The following PTPRT variants were observed in gnomAD, a reference collection of about 807,000 sequenced individuals.
PTPRT encodes the protein protein tyrosine phosphatase receptor type T.
PTPRT carries 56 observed loss-of-function variants against 176.8 expected under a neutral mutation model. The observed-to-expected ratio is 0.32, with a 90% CI of 0.26 to 0.40. The LOEUF (loss-of-function observed/expected upper bound fraction) is 0.40. Ranked by LOEUF, PTPRT falls within the 10% of genes least tolerant of loss-of-function variation. The pLI is 1.00. For missense variants in PTPRT, 1,540 were observed against 1,908.2 expected (o/e 0.81, Z 3.60); for synonymous variants, 783 against 739.0 (o/e 1.06, Z -0.96).
At chr20:43,100,802 C>G (rs923618833) in intron 1 of PTPRT, among the ~76,000 whole-genome samples, 7 of 150,964 alleles carry the variant, frequency 4.6e-5, no homozygotes, top group Non-Finnish European at 1.0e-4. Flanking sequence ...AGGGAAGGTG[C>G]CCAGGTGGGA....
At chr20:42,790,881 C>T (rs1347852297) in intron 3 of PTPRT, among the ~76,000 whole-genome samples, 1 of 152,152 alleles carries the variant, frequency 6.6e-6, no homozygotes, top group Non-Finnish European at 1.5e-5. Context: ...GTACTAGTAC[C>T]TCCCTCATCA....
chr20:42,503,150 T>A (rs2071782985), intron 7 of PTPRT, among the ~76,000 whole-genome samples: 1 of 152,060 alleles, frequency 6.6e-6, no homozygotes, highest in South Asian at 2.1e-4. Flanking sequence ...GCTTTGTTGA[T>A]ACACTCTGTT....
At chr20:42,500,425 A>G (rs929877614) in intron 7 of PTPRT, among the ~76,000 whole-genome samples, 1 of 152,234 alleles carries the variant, frequency 6.6e-6, no homozygotes, top group African/African-American at 2.4e-5. Context: ...TCTAATATCC[A>G]GAGACTTTGA....
chr20:42,894,811 G>C (rs965566002), intron 1 of PTPRT, among the ~76,000 whole-genome samples: 2 of 152,180 alleles, frequency 1.3e-5, no homozygotes, highest in African/African-American at 2.4e-5. Context: ...CCAGGCATAG[G>C]GGGTAGGCTC....
At chr20:42,929,797 C>T (rs891215808) in intron 1 of PTPRT, among the ~76,000 whole-genome samples, 4 of 152,168 alleles carry the variant, frequency 2.6e-5, no homozygotes, top group Non-Finnish European at 4.4e-5. Context: ...CTCCTGCAAG[C>T]GTGGATCAGA....
intron 8 of PTPRT, among the ~76,000 whole-genome samples, chr20:42,468,995 T>C (rs1383003356): frequency 2.6e-5 from 4 of 152,228 alleles, no homozygotes; most frequent in African/African-American, 9.6e-5. Context: ...TGTCTGGACA[T>C]GTCTACAGCT....
intron 1 of PTPRT, among the ~76,000 whole-genome samples, chr20:43,164,622 A>G (rs1473616045): frequency 6.6e-6 from 1 of 152,146 alleles, no homozygotes; most frequent in Non-Finnish European, 1.5e-5. Flanking sequence ...GTGCCCACAA[A>G]CCTTTTCTGT....
intron 14 of PTPRT, among the ~76,000 whole-genome samples, chr20:42,245,873 T>C (rs185202399): frequency 2.0e-5 from 3 of 152,284 alleles, no homozygotes; most frequent in Admixed American, 1.3e-4. Flanking sequence ...AGTAACCATG[T>C]CCATGACCAG....
intron 3 of PTPRT, among the ~76,000 whole-genome samples, chr20:42,790,409 T>A (rs1000524441): frequency 2.0e-5 from 3 of 152,030 alleles, no homozygotes; most frequent in African/African-American, 7.2e-5. Flanking sequence ...GCCATGATTT[T>A]TTTTTTTTAC....
chr20:42,573,989 C>T (rs1180683315), intron 7 of PTPRT, among the ~76,000 whole-genome samples: 5 of 152,026 alleles, frequency 3.3e-5, no homozygotes, highest in African/African-American at 9.7e-5. Flanking sequence ...ACCTCGTGAT[C>T]CACCACCTCG....
chr20:42,768,997 A>G (rs1225101487), intron 5 of PTPRT, among the ~76,000 whole-genome samples: 1 of 152,238 alleles, frequency 6.6e-6, no homozygotes, highest in African/African-American at 2.4e-5. Context: ...CCTCATTCTC[A>G]TGACCCAGCT....
At chr20:42,887,077 A>G (rs766668855) in intron 1 of PTPRT, among the ~76,000 whole-genome samples, 3 of 152,206 alleles carry the variant, frequency 2.0e-5, no homozygotes, top group Non-Finnish European at 4.4e-5. Context: ...GGTGCATCAC[A>G]TCACCATCCT....
At chr20:42,099,178 T>C (rs1004391246) in intron 26 of PTPRT, among the ~76,000 whole-genome samples, 1 of 152,204 alleles carries the variant, frequency 6.6e-6, no homozygotes, top group African/African-American at 2.4e-5. Flanking sequence ...GCCCATTTAT[T>C]CATTCATCCA....
intron 19 of PTPRT, among the ~76,000 whole-genome samples, chr20:42,124,345 C>CA (rs1370994544): frequency 6.6e-6 from 1 of 152,224 alleles, no homozygotes; most frequent in Non-Finnish European, 1.5e-5. Flanking sequence ...ATCCAAAACG[C>CA]ATTTATCTCA....
At chr20:42,439,916 TG>T (rs2059296994) in intron 9 of PTPRT, among the ~76,000 whole-genome samples, 1 of 152,212 alleles carries the variant, frequency 6.6e-6, no homozygotes, top group South Asian at 2.1e-4. Flanking sequence ...TGTTTATTTT[TG>T]TTTTGTTTTT....
intron 1 of PTPRT, among the ~76,000 whole-genome samples, chr20:42,941,969 A>G (rs901428086): frequency 6.6e-6 from 1 of 152,020 alleles, no homozygotes; most frequent in Non-Finnish European, 1.5e-5. Flanking sequence ...GCACATTACA[A>G]TTGAGAAGTC....
intron 12 of PTPRT, among the ~76,000 whole-genome samples, chr20:42,288,262 G>T (rs2057263545): frequency 6.6e-6 from 1 of 151,898 alleles, no homozygotes. Flanking sequence ...CTTCTTCTCT[G>T]CAAATGTGAA....
chr20:42,224,516 A>G (rs1410770973), intron 15 of PTPRT, among the ~76,000 whole-genome samples: 1 of 152,180 alleles, frequency 6.6e-6, no homozygotes, highest in East Asian at 1.9e-4. Flanking sequence ...ATGGGACCAA[A>G]TTCTCAACTA....
chr20:42,766,486 T>C (rs1011998194), intron 5 of PTPRT, among the ~76,000 whole-genome samples: 1 of 152,222 alleles, frequency 6.6e-6, no homozygotes, highest in Non-Finnish European at 1.5e-5. Flanking sequence ...ACTTGTACTG[T>C]AATTCCACAA....
Sources: gnomAD v4.1 joint callset for allele counts (sites outside exome capture counted in the v4.1 genomes callset) on GRCh38, gnomAD v4.1.1 for gene constraint, MANE v1.5 for transcripts, NCBI Gene and HGNC (gene_info 2026-07-23, HGNC 2026-07-21) for gene names.